PARD3: variants seen among roughly 807,000 people sequenced by gnomAD.
The protein encoded by PARD3 is par-3 family cell polarity regulator.
PARD3 carries 75 observed loss-of-function variants against 155.4 expected under a neutral mutation model. The observed-to-expected ratio is 0.48, with a 90% CI of 0.40 to 0.58. PARD3 has a LOEUF of 0.58. PARD3 is among the 20% of genes least tolerant of loss of function. The pLI is 0.00. For missense variants in PARD3, 1,642 were observed against 1,721.7 expected, an observed-to-expected ratio of 0.95 and a Z score of 0.82; for synonymous variants, 576 against 610.5, an observed-to-expected ratio of 0.94 and a Z score of 0.83.
At chr10:34,475,116 T>C (rs1476548574) in intron 3 of PARD3, among the ~76,000 whole-genome samples, 1 of 152,174 alleles carries the variant, frequency 6.6e-6, no homozygotes, top group African/African-American at 2.4e-5. Context: ...AGAGTTTTTG[T>C]TTATGGGAGG....
chr10:34,795,722 C>T (rs1458493160), intron 1 of PARD3, among the ~76,000 whole-genome samples: 1 of 152,092 alleles, frequency 6.6e-6, no homozygotes, highest in Non-Finnish European at 1.5e-5. Context: ...TGGAGAAACT[C>T]CATCTCTGCT....
At chr10:34,602,174 T>G (rs926332514) in intron 2 of PARD3, among the ~76,000 whole-genome samples, 28 of 152,216 alleles carry the variant, frequency 1.8e-4, no homozygotes, top group African/African-American at 6.5e-4. Flanking sequence ...TGCAGAAGAC[T>G]CAAAAGAGAA....
chr10:34,507,444 C>T (rs1481792471), intron 3 of PARD3, among the ~76,000 whole-genome samples: 1 of 150,004 alleles, frequency 6.7e-6, no homozygotes, highest in Admixed American at 6.7e-5. Context: ...AACGTGGCAA[C>T]GGGAACAAAG....
intron 1 of PARD3, among the ~76,000 whole-genome samples, chr10:34,701,543 C>T (rs1387668613): frequency 2.6e-5 from 4 of 152,140 alleles, no homozygotes; most frequent in Non-Finnish European, 4.4e-5. Context: ...ACTTCCCCAA[C>T]AGAGCCGGTA....
intron 12 of PARD3, among the ~76,000 whole-genome samples, chr10:34,365,755 T>C (rs1331995897): frequency 6.6e-6 from 1 of 152,130 alleles, no homozygotes; most frequent in Admixed American, 6.5e-5. Flanking sequence ...ACCTGGCTAA[T>C]TTTTATGTTT....
chr10:34,482,191 T>G (rs1159865962), intron 3 of PARD3, among the ~76,000 whole-genome samples: 4 of 151,692 alleles, frequency 2.6e-5, no homozygotes, highest in African/African-American at 9.7e-5. Flanking sequence ...CCCCCCACCA[T>G]GCCCAGCTAA....
chr10:34,205,942 C>G (rs113071238), intron 22 of PARD3, among the ~76,000 whole-genome samples: 18 of 152,144 alleles, frequency 1.2e-4, no homozygotes, highest in African/African-American at 3.9e-4. Context: ...GGCTGAGGAC[C>G]GATGCTGATG....
chr10:34,691,140 A>C (rs186054391), intron 2 of PARD3, among the ~76,000 whole-genome samples: 154 of 152,288 alleles, frequency 1.0e-3, no homozygotes, highest in Admixed American at 0.01. Context: ...ATAGGAAGAG[A>C]GGAAGTCAAA....
At chr10:34,192,540 A>T (rs963929117) in intron 22 of PARD3, among the ~76,000 whole-genome samples, 5 of 152,114 alleles carry the variant, frequency 3.3e-5, no homozygotes, top group Admixed American at 6.5e-5. Context: ...CGTAAAAAAA[A>T]TTTTCATCTA....
intron 22 of PARD3, among the ~76,000 whole-genome samples, chr10:34,226,854 T>C (rs1056574829): frequency 6.6e-6 from 1 of 152,188 alleles, no homozygotes; most frequent in East Asian, 1.9e-4. Flanking sequence ...TATCTTATAA[T>C]GGGATACTAT....
At chr10:34,161,754 T>C (rs1456378660) in intron 22 of PARD3, among the ~76,000 whole-genome samples, 2 of 152,176 alleles carry the variant, frequency 1.3e-5, no homozygotes, top group Non-Finnish European at 2.9e-5. Context: ...TTGCTTTTAG[T>C]GCCCAACCCA....
At chr10:34,165,980 T>A (rs909897740) in intron 22 of PARD3, among the ~76,000 whole-genome samples, 1 of 152,220 alleles carries the variant, frequency 6.6e-6, no homozygotes, top group African/African-American at 2.4e-5. Context: ...CTTCCTCTAT[T>A]TCTATTATCC....
At chr10:34,231,001 T>C (rs934761992) in intron 22 of PARD3, among the ~76,000 whole-genome samples, 1 of 151,992 alleles carries the variant, frequency 6.6e-6, no homozygotes, top group Non-Finnish European at 1.5e-5. Flanking sequence ...CATTCCAGCC[T>C]GGGTGACAGA....
At chr10:34,811,790 C>A (rs1844212446) in intron 1 of PARD3, among the ~76,000 whole-genome samples, 1 of 152,186 alleles carries the variant, frequency 6.6e-6, no homozygotes, top group South Asian at 2.1e-4. Flanking sequence ...CAGCTCAGCA[C>A]CATGTCCACC....
intron 14 of PARD3, among the ~76,000 whole-genome samples, chr10:34,354,900 T>A (rs1333464960): frequency 6.6e-6 from 1 of 152,156 alleles, no homozygotes; most frequent in Non-Finnish European, 1.5e-5. Context: ...AAAATTTGCC[T>A]GACTGCAGTG....
chr10:34,615,448 A>G (rs1378809771), intron 2 of PARD3, among the ~76,000 whole-genome samples: 2 of 152,208 alleles, frequency 1.3e-5, no homozygotes, highest in Non-Finnish European at 2.9e-5. Context: ...CTCTCCATAT[A>G]TAAAAATCAT....
intron 2 of PARD3, among the ~76,000 whole-genome samples, chr10:34,667,596 T>C (rs760610106): frequency 1.3e-5 from 2 of 152,238 alleles, no homozygotes; most frequent in Non-Finnish European, 2.9e-5. Context: ...TTTAAGATGA[T>C]TTTGTTTCTA....
chr10:34,604,422 T>C (rs963351286), intron 2 of PARD3, among the ~76,000 whole-genome samples: 3 of 151,980 alleles, frequency 2.0e-5, no homozygotes, highest in Non-Finnish European at 2.9e-5. Context: ...CACATCTTTC[T>C]CCCATGCTGG....
intron 1 of PARD3, among the ~76,000 whole-genome samples, chr10:34,797,660 A>G (rs1842421239): frequency 6.6e-6 from 1 of 152,162 alleles, no homozygotes; most frequent in African/African-American, 2.4e-5. Flanking sequence ...ACCATAGTTG[A>G]CCGGTTTCTA....
Sources: gnomAD v4.1 joint callset for allele counts (sites outside exome capture counted in the v4.1 genomes callset) on GRCh38, gnomAD v4.1.1 for gene constraint, MANE v1.5 for transcripts, NCBI Gene and HGNC (gene_info 2026-07-23, HGNC 2026-07-21) for gene names.